The following MEF2D variants were observed in gnomAD, a reference collection of about 807,000 sequenced individuals.
MEF2D encodes the protein myocyte-specific enhancer factor 2D.
MEF2D carries 10 observed loss-of-function variants against 59.3 expected under a neutral mutation model. The observed-to-expected ratio is 0.17, with a 90% CI of 0.10 to 0.29. MEF2D has a LOEUF of 0.29. Ranked by LOEUF, MEF2D falls within the 10% of genes least tolerant of loss-of-function variation. The probability of loss-of-function intolerance (pLI) is 1.00; values close to 1 mark genes in which losing one functional copy is unlikely to be tolerated. For missense variants in MEF2D, 508 were observed against 699.4 expected, an observed-to-expected ratio of 0.73 and a Z score of 3.09; for synonymous variants, 305 against 295.0, an observed-to-expected ratio of 1.03 and a Z score of -0.35.
chr1:156,467,755 T>C, intron 11 of MEF2D, 99 bp from the exon 12 acceptor site: 1 of 1,253,078 alleles, frequency 8.0e-7, no homozygotes, highest in Non-Finnish European at 1.1e-6. Flanking sequence ...AGGATTCTAG[T>C]GGCAGGGCCA....
rs1671969385 is a variant in MEF2D at position 156,480,930 on chromosome 1, C to T, written c.300G>A (p.Glu100=). The T allele has an allele frequency of 1.2e-6, 2 of 1,612,062 alleles. No homozygotes were observed. Among genetic ancestry groups the T allele is most frequent in the African/African-American group, 1.3e-5 (1 of 74,900 alleles). ...GTTCCAGCGAGTCCTCCCCGTCGGGCTCGGGGCTGTCGCAGCCGTTGAAGC... is the reference window on the plus strand; with the variant it reads ...GTTCCAGCGAGTCCTCCCCGTCGGGTTCGGGGCTGTCGCAGCCGTTGAAGC... ...KKGFNGCDSP[E]PDGEDSLEQS... is the part of the protein sequence containing the mutation. The change falls in exon 4 of 12, where the codon GAG becomes GAA. Residue 100 remains glutamate, a synonymous_variant. Coordinates refer to ENST00000348159, the MANE Select transcript of MEF2D (RefSeq NM_005920.4).
At position 156,480,956 on chromosome 1, in the gene MEF2D, C is replaced by A; in HGVS notation, c.274G>T (p.Gly92Cys). Reference sequence around the variant, plus strand: ...TCGGGGCTGTCGCAGCCGTTGAAGCCCTTCTTCCTCAGGGTCTGTAACCGC... The same window carrying A: ...TCGGGGCTGTCGCAGCCGTTGAAGCACTTCTTCCTCAGGGTCTGTAACCGC... ...ADIIETLRKK[G>C]FNGCDSPEPD... The change falls in exon 4 of 12, where the codon GGC (glycine) becomes TGC (cysteine). Residue 92 changes from glycine (G) to cysteine (C), a missense_variant. Physicochemically the swap from Gly to Cys is radical, Grantham distance 159. Coordinates refer to ENST00000348159, the MANE Select transcript of MEF2D (RefSeq NM_005920.4). 1.2e-6 allele frequency: 2 copies of A among 1,611,968 alleles called. No homozygotes were observed. Among genetic ancestry groups the A allele is most frequent in the Non-Finnish European group, 1.7e-6 (2 of 1,179,932 alleles).
Position 156,477,135 on chromosome 1 carries a change from G to A in MEF2D, c.732C>T (p.Asn244=). 1 of 1,613,988 alleles carries A rather than the reference G, an allele frequency of 6.2e-7. No individual in the cohort carries two copies. The highest frequency in any genetic ancestry group is 8.5e-7 in the Non-Finnish European group (1 of 1,179,928). ...GTGGAGACTTGGCAGGGATGACCTT[G>A]TTTAGGCTGTTGCCATTGGCCACAG... The part of the protein sequence containing the change: ...LLPVANGNSL[N]KVIPAKSPPP... The change falls in exon 7 of 12, where the codon AAC becomes AAT. Residue 244 remains asparagine (N), a synonymous_variant. Transcript: ENST00000348159.
intron 1 of MEF2D, among the ~76,000 whole-genome samples, chr1:156,495,957 CG>C (rs767876529): frequency 2.6e-5 from 4 of 152,064 alleles, no homozygotes; most frequent in Non-Finnish European, 5.9e-5. Flanking sequence ...GCCAGAGCTT[CG>C]GACATGTCCC....
At chr1:156,475,928 A>G (rs918933710) in intron 8 of MEF2D, among the ~76,000 whole-genome samples, 6 of 152,168 alleles carry the variant, frequency 3.9e-5, no homozygotes, top group African/African-American at 1.4e-4. Context: ...TGCCCGTGTC[A>G]TGGACTTAAG....
chr1:156,499,498 G>A (rs1673347413), intron 1 of MEF2D: 1 of 152,148 alleles, frequency 6.6e-6, no homozygotes, highest in African/African-American at 2.4e-5. Context: ...GAAGGCTGCT[G>A]AGAGGACAGC....
chr1:156,474,980 T>C (rs1459040914), intron 9 of MEF2D, 128 bp downstream of exon 9: 1 of 1,352,592 alleles, frequency 7.4e-7, no homozygotes, highest in Non-Finnish European at 1.0e-6. Context: ...CATAAGTAGG[T>C]GGGGGTTCCC....
In MEF2D at chr1:156,468,076, C is replaced by G; in HGVS notation, c.1471G>C (p.Gly491Arg). 1 of 1,614,052 alleles carries G rather than the reference C, an allele frequency of 6.2e-7. No homozygotes were observed. The highest frequency in any genetic ancestry group is 8.5e-7 in the Non-Finnish European group (1 of 1,179,986). ...GDRDDGRGDF[G>R]PTLGLLRPAP... ...GGGCGCAGCAGGCCCAGTGTGGGCC[C>G]GAAGTCCCCCCGTCCGTCATCCCGG... Residue 491 changes from glycine (G) to arginine (R), a missense_variant, in exon 11 of 12, where the codon GGG becomes CGG. Physicochemically the swap from Gly to Arg is moderately radical, Grantham distance 125. Around this residue, in one of 2 missense-constraint regions of MEF2D, gnomAD observed 481 missense variants for 584.7 expected, o/e 0.82. Transcript: ENST00000348159. The surrounding 1 kb of genome is among the most constrained non-coding windows in gnomAD (Gnocchi z 4.3).
At chr1:156,469,086 C>G (rs2101987145) in intron 9 of MEF2D, 66 bp from the exon 10 acceptor site, 2 of 1,536,144 alleles carry the variant, frequency 1.3e-6, no homozygotes, top group East Asian at 2.3e-5. Flanking sequence ...TATGAGGGAG[C>G]TGCCTCCAGG....
chr1:156,498,610 C>A (rs567725405), intron 1 of MEF2D, among the ~76,000 whole-genome samples: 1 of 152,060 alleles, frequency 6.6e-6, no homozygotes, highest in South Asian at 2.1e-4. Flanking sequence ...CCCCTCCCCC[C>A]CTTCCCCCCA....
intron 8 of MEF2D, among the ~76,000 whole-genome samples, chr1:156,475,672 G>A (rs1186717402): frequency 1.3e-5 from 2 of 152,202 alleles, no homozygotes; most frequent in African/African-American, 2.4e-5. Flanking sequence ...GTGCCTGCGC[G>A]TATGCACACA....
At chr1:156,478,758 G>C (rs1304421859) in intron 6 of MEF2D, among the ~76,000 whole-genome samples, 1 of 152,104 alleles carries the variant, frequency 6.6e-6, no homozygotes, top group African/African-American at 2.4e-5. Context: ...TCAAACTCCC[G>C]ACCTCAGGTG....
At chr1:156,499,750 T>G (rs1673370266) in intron 1 of MEF2D, among the ~76,000 whole-genome samples, 2 of 151,800 alleles carry the variant, frequency 1.3e-5, no homozygotes, top group Non-Finnish European at 1.5e-5. Context: ...GCCAGGGAGT[T>G]CTCCAGTTGG....
Position 156,468,727 on chromosome 1 carries a change from C to G in MEF2D, c.1247+53G>C. 1 of 1,579,860 alleles carries G rather than the reference C, an allele frequency of 6.3e-7. No individual in the cohort carries two copies. Among genetic ancestry groups the G allele is most frequent in the East Asian group, 2.3e-5 (1 of 44,320 alleles). On this transcript the variant is annotated intron_variant, in intron 10 of 11. Coordinates refer to ENST00000348159, the MANE Select transcript of MEF2D (RefSeq NM_005920.4). The surrounding 1 kb of genome is among the most constrained non-coding windows in gnomAD (Gnocchi z 4.3). ...CAGCTCCCAAGAGGTCCCTCCTCTT[C>G]CCGTTCAATTCTCCCTTCCCACACA... is the stretch of plus-strand genomic sequence containing the variant.
At chr1:156,474,538 G>A (rs893423351) in intron 9 of MEF2D, among the ~76,000 whole-genome samples, 23 of 152,304 alleles carry the variant, frequency 1.5e-4, no homozygotes, top group African/African-American at 5.5e-4. Context: ...TATGTCTTTG[G>A]TGCTGGGCAC....
chr1:156,478,187 G>A (rs190531708), intron 6 of MEF2D, among the ~76,000 whole-genome samples: 78 of 152,286 alleles, frequency 5.1e-4, no homozygotes, highest in Non-Finnish European at 6.9e-4. Context: ...TGAAGAGGGT[G>A]ACATATTCAC....
At chr1:156,480,797 A>G (rs777619042) in intron 4 of MEF2D, 37 bp downstream of exon 4, 1 of 1,589,732 alleles carries the variant, frequency 6.3e-7, no homozygotes, top group Admixed American at 1.7e-5. Context: ...AGGGGCCGGA[A>G]GGGGGGGCCA....
chr1:156,467,949 G>A, intron 11 of MEF2D, 44 bp downstream of exon 11: 1 of 1,576,842 alleles, frequency 6.3e-7, no homozygotes, highest in Non-Finnish European at 8.6e-7. Flanking sequence ...GCAGTCCCTG[G>A]GTGTAGCAGA....
intron 1 of MEF2D, chr1:156,484,105 T>C (rs1186492098): frequency 6.6e-6 from 1 of 152,252 alleles, no homozygotes; most frequent in African/African-American, 2.4e-5. Context: ...TTTATAAGCC[T>C]AGTCAAGTGC....
Sources: gnomAD v4.1 joint callset for allele counts (sites outside exome capture counted in the v4.1 genomes callset) on GRCh38, gnomAD v4.1.1 for gene constraint, gnomAD v4.1.1 regional missense constraint, Gnocchi (gnomAD v3.1) non-coding constraint, MANE v1.5 for transcripts, NCBI Gene and HGNC (gene_info 2026-07-23, HGNC 2026-07-21) for gene names.